The following TLN2 variants were observed in gnomAD, a reference collection of about 807,000 sequenced individuals.
The protein encoded by TLN2 is talin-2.
TLN2 carries 118 observed loss-of-function variants against 294.7 expected under a neutral mutation model. That is an observed-to-expected ratio of 0.40 (90% CI 0.34 to 0.47). The LOEUF (loss-of-function observed/expected upper bound fraction) is 0.47, where lower values mean the gene tolerates loss of function less well. Among genes scored for constraint, TLN2 ranks in the 20% least tolerant of loss-of-function variants. The pLI is 0.84. For missense variants in TLN2, 3,083 were observed against 3,282.2 expected, an observed-to-expected ratio of 0.94 and a Z score of 1.48; for synonymous variants, 1,431 against 1,304.5, an observed-to-expected ratio of 1.10 and a Z score of -2.09.
chr15:62,448,115 C>G (rs1349051209), intron 1 of TLN2, among the ~76,000 whole-genome samples: 1 of 152,198 alleles, frequency 6.6e-6, no homozygotes, highest in Non-Finnish European at 1.5e-5. Context: ...GGAGCAGAAG[C>G]AGCATGGCTC....
chr15:62,700,614 C>T (rs1250714237), intron 16 of TLN2, among the ~76,000 whole-genome samples: 1 of 152,140 alleles, frequency 6.6e-6, no homozygotes. Context: ...ATGAGCATGG[C>T]CCTTAGTTGT....
Position 62,691,716 on chromosome 15 carries a change from C to CT in TLN2, c.1114-1123dup, listed in dbSNP as rs201258856. Among the ~76,000 whole-genome samples, 137 of 152,194 alleles carry CT rather than the reference C, an allele frequency of 9.0e-4. 2 individuals are homozygous for CT. The East Asian group carries it at 0.02, about 22-fold the overall frequency. ...TTTTTTTTGGAGACAGTCTCTCACT[C>CT]TGTTGCCCAAGCTGGAGTGTAGTGG... On this transcript the variant is annotated intron_variant, in intron 12 of 58. Coordinates refer to ENST00000636159, the MANE Select transcript of TLN2 (RefSeq NM_015059.3).
intron 1 of TLN2, among the ~76,000 whole-genome samples, chr15:62,518,712 C>T (rs996702343): frequency 6.6e-6 from 1 of 152,042 alleles, no homozygotes; most frequent in Non-Finnish European, 1.5e-5. Flanking sequence ...ATTCTCCTAC[C>T]TCAGCCTTCC....
chr15:62,444,263 C>T (rs1184037853), intron 1 of TLN2, among the ~76,000 whole-genome samples: 2 of 152,226 alleles, frequency 1.3e-5, no homozygotes, highest in African/African-American at 4.8e-5. Context: ...GGGCCTTGGT[C>T]TTCAATGATG....
At chr15:62,784,111 C>A in intron 45 of TLN2, 1 of 671,866 alleles carries the variant, frequency 1.5e-6, no homozygotes, top group Non-Finnish European at 2.4e-6. Context: ...AGAACTGGGG[C>A]ATGGGCTTTC....
intron 43 of TLN2, among the ~76,000 whole-genome samples, chr15:62,780,868 C>T (rs188008524): frequency 8.7e-4 from 132 of 152,262 alleles, no homozygotes; most frequent in Admixed American, 3.5e-3. Context: ...GCAGACTCTT[C>T]GCCTGGTAAG....
At chr15:62,426,238 A>G (rs991120323) in intron 1 of TLN2, among the ~76,000 whole-genome samples, 1 of 152,230 alleles carries the variant, frequency 6.6e-6, no homozygotes, top group African/African-American at 2.4e-5. Context: ...GCCTGTATCA[A>G]GGCTGAAAGT....
At chr15:62,620,208 T>C (rs2048676768) in intron 3 of TLN2, among the ~76,000 whole-genome samples, 1 of 152,160 alleles carries the variant, frequency 6.6e-6, no homozygotes, top group East Asian at 1.9e-4. Flanking sequence ...CTCAAACCCC[T>C]GGCCTCAGTT....
In TLN2 at chr15:62,559,593, A is replaced by G. The variant is rs78406998; in HGVS notation, c.-237-30094A>G. Among the ~76,000 whole-genome samples, 1,335 of 152,288 alleles carry G rather than the reference A, an allele frequency of 8.8e-3. 17 individuals are homozygous for G. The highest frequency in any genetic ancestry group is 0.03 in the African/African-American group (1,227 of 41,542). On this transcript the variant is annotated intron_variant, in intron 1 of 58. Coordinates refer to ENST00000636159, the MANE Select transcript of TLN2 (RefSeq NM_015059.3). ...TCTAATAGAGGGTTTGGTCTTCCACACTAGCTCTGAGGTAGCACTGTTGCC... is the reference window on the plus strand; with the variant it reads ...TCTAATAGAGGGTTTGGTCTTCCACGCTAGCTCTGAGGTAGCACTGTTGCC...
chr15:62,650,673 T>G (rs1233339775), intron 5 of TLN2, among the ~76,000 whole-genome samples: 1 of 152,188 alleles, frequency 6.6e-6, no homozygotes, highest in East Asian at 1.9e-4. Context: ...TAGGGAGAAG[T>G]AATGAGTAAA....
chr15:62,821,898 A>G (rs1334664088), intron 54 of TLN2, among the ~76,000 whole-genome samples: 1 of 152,206 alleles, frequency 6.6e-6, no homozygotes, highest in East Asian at 1.9e-4. Flanking sequence ...AGAGTCAACC[A>G]TTAACTAAGA....
chr15:62,797,086 G>GGT (rs1371800948), intron 47 of TLN2, 133 bp from the exon 48 acceptor site: 34 of 906,376 alleles, frequency 3.8e-5, no homozygotes, highest in Non-Finnish European at 4.4e-5. Context: ...GGTAAAGGGA[G>GGT]GTGTAACACA....
At chr15:62,536,304 T>C (rs544650711) in intron 1 of TLN2, among the ~76,000 whole-genome samples, 7 of 152,306 alleles carry the variant, frequency 4.6e-5, no homozygotes, top group African/African-American at 1.7e-4. Context: ...AAGGATTCTC[T>C]AGGATTCTCC....
At chr15:62,727,238 G>T (rs768090657) in intron 28 of TLN2, 49 bp downstream of exon 28, 3 of 1,529,448 alleles carry the variant, frequency 2.0e-6, no homozygotes, top group Non-Finnish European at 1.8e-6. Context: ...AGGCCACTGG[G>T]TGTAGTGGGG....
chr15:62,592,434 C>T (rs2046152844), intron 2 of TLN2, among the ~76,000 whole-genome samples: 2 of 152,128 alleles, frequency 1.3e-5, no homozygotes, highest in South Asian at 2.1e-4. Flanking sequence ...ACATGGGTTT[C>T]CTCTACCCAG....
intron 1 of TLN2, among the ~76,000 whole-genome samples, chr15:62,567,124 G>C (rs2043469313): frequency 6.6e-6 from 1 of 152,090 alleles, no homozygotes; most frequent in African/African-American, 2.4e-5. Flanking sequence ...TCAAATTCTT[G>C]TAAACAGTAT....
chr15:62,726,170 G>A (rs2060430667), intron 27 of TLN2, among the ~76,000 whole-genome samples: 1 of 152,136 alleles, frequency 6.6e-6, no homozygotes, highest in African/African-American at 2.4e-5. Context: ...TTTACGTAGA[G>A]CATAGACTGG....
intron 14 of TLN2, among the ~76,000 whole-genome samples, chr15:62,697,017 T>G (rs1481619471): frequency 6.6e-6 from 1 of 152,228 alleles, no homozygotes; most frequent in Non-Finnish European, 1.5e-5. Context: ...TGAATGTTCT[T>G]TCAGATATTA....
At chr15:62,611,247 C>T (rs1287586400) in intron 2 of TLN2, among the ~76,000 whole-genome samples, 1 of 152,040 alleles carries the variant, frequency 6.6e-6, no homozygotes, top group East Asian at 1.9e-4. Context: ...GCTGGTGAGC[C>T]CCAATGATTG....
Sources: gnomAD v4.1 joint callset for allele counts (sites outside exome capture counted in the v4.1 genomes callset) on GRCh38, gnomAD v4.1.1 for gene constraint, MANE v1.5 for transcripts, NCBI Gene and HGNC (gene_info 2026-07-23, HGNC 2026-07-21) for gene names.